XPO7: variants seen among roughly 807,000 people sequenced by gnomAD.
XPO7 encodes the protein exportin-7.
Under a neutral mutation model 144.3 loss-of-function variants are expected in XPO7, and 21 were observed. The observed-to-expected ratio is 0.15, with a 90% CI of 0.10 to 0.21. The LOEUF (loss-of-function observed/expected upper bound fraction) is 0.21, where lower values mean the gene tolerates loss of function less well. Ranked by LOEUF, XPO7 falls within the 10% of genes least tolerant of loss-of-function variation. The pLI is 1.00. For synonymous variants in XPO7, 580 were observed against 499.6 expected (o/e 1.16, Z -2.15); for missense variants, 808 against 1,325.8 (o/e 0.61, Z 6.06).
intron 2 of XPO7, 104 bp downstream of exon 2, chr8:21,967,107 T>C (rs1351872104): frequency 7.0e-6 from 10 of 1,430,004 alleles, no homozygotes; most frequent in Non-Finnish European, 9.3e-6. Context: ...CCCTGATTTT[T>C]CTAGGTGTCC....
At chr8:21,955,040 A>G (rs1323252051) in intron 1 of XPO7, among the ~76,000 whole-genome samples, 1 of 152,252 alleles carries the variant, frequency 6.6e-6, no homozygotes, top group Non-Finnish European at 1.5e-5. Context: ...ATGGTAATAT[A>G]GCAGGAAAGT....
intron 1 of XPO7, among the ~76,000 whole-genome samples, chr8:21,921,205 C>G (rs1056385654): frequency 1.3e-5 from 2 of 152,068 alleles, no homozygotes; most frequent in Non-Finnish European, 2.9e-5. Flanking sequence ...TTCTAAGAAG[C>G]ATGAAATATT....
chr8:21,935,435 TAGTG>T (rs1480327725), intron 1 of XPO7, among the ~76,000 whole-genome samples: 2 of 152,354 alleles, frequency 1.3e-5, no homozygotes, highest in African/African-American at 2.4e-5. Flanking sequence ...GTCCTACAAA[TAGTG>T]AGAGTCAGGA....
intron 1 of XPO7, among the ~76,000 whole-genome samples, chr8:21,926,327 CATG>C (rs1810457202): frequency 6.6e-6 from 1 of 151,936 alleles, no homozygotes; most frequent in Non-Finnish European, 1.5e-5. Context: ...TGGTACTTTG[CATG>C]ATAAGAAATT....
chr8:21,966,789 A>G (rs1486668787), intron 1 of XPO7, 68 bp from the exon 2 acceptor site: 2 of 1,527,378 alleles, frequency 1.3e-6, no homozygotes, highest in Non-Finnish European at 1.8e-6. Context: ...TTGTTTATTA[A>G]TTTTAAGCAC....
intron 1 of XPO7, among the ~76,000 whole-genome samples, chr8:21,941,354 G>T (rs1810987198): frequency 6.6e-6 from 1 of 151,970 alleles, no homozygotes; most frequent in Non-Finnish European, 1.5e-5. Context: ...GTCTGGCCCT[G>T]TTACCCAGGC....
At position 21,999,580 on chromosome 8, in the gene XPO7, C is replaced by A. The variant is rs368014718; in HGVS notation, c.2688C>A (p.Val896=). ...AGTCTTATTATTCACTACTGGAAGT[C>A]CTGACCCAGGACCATATGAACTTTA... ...LSQSYYSLLE[V]LTQDHMNFIA... The change falls in exon 24 of 28, where the codon GTC becomes GTA. Residue 896 remains valine, a synonymous_variant. Coordinates refer to ENST00000252512, the MANE Select transcript of XPO7 (RefSeq NM_015024.5). The A allele has an allele frequency of 1.2e-6, 2 of 1,613,902 alleles. No homozygotes were observed. The highest frequency in any genetic ancestry group is 8.5e-7 in the Non-Finnish European group (1 of 1,179,910).
At chr8:21,988,680 T>C (rs575546113) in intron 15 of XPO7, 13 of 304,438 alleles carry the variant, frequency 4.3e-5, no homozygotes, top group African/African-American at 2.0e-4. Context: ...TGCATACGTC[T>C]GCATGTTATC....
At chr8:21,964,997 A>G (rs1811837921) in intron 1 of XPO7, among the ~76,000 whole-genome samples, 1 of 152,222 alleles carries the variant, frequency 6.6e-6, no homozygotes. Flanking sequence ...TGGAAAGCTC[A>G]AAGTGTGTGA....
chr8:21,995,124 C>G (rs1390217518), intron 20 of XPO7, among the ~76,000 whole-genome samples: 5 of 151,972 alleles, frequency 3.3e-5, no homozygotes, highest in Non-Finnish European at 7.4e-5. Context: ...ACTTTACTGA[C>G]TTCATACCCT....
chr8:21,928,240 T>G (rs1272865373), intron 1 of XPO7, among the ~76,000 whole-genome samples: 1 of 152,258 alleles, frequency 6.6e-6, no homozygotes, highest in East Asian at 1.9e-4. Context: ...CTGAGATTGA[T>G]TCTCATTGTT....
At chr8:21,935,836 TTCTC>T (rs928115226) in intron 1 of XPO7, among the ~76,000 whole-genome samples, 3 of 151,640 alleles carry the variant, frequency 2.0e-5, no homozygotes, top group Non-Finnish European at 4.4e-5. Context: ...CAAGATATCT[TTCTC>T]TCTCTCTCAA....
Position 21,998,850 on chromosome 8 carries a change from G to C in XPO7, c.2428+13G>C, listed in dbSNP as rs1813040722. On this transcript the variant is annotated intron_variant, in intron 22 of 27. Coordinates refer to ENST00000252512, the MANE Select transcript of XPO7 (RefSeq NM_015024.5). The stretch of plus-strand genomic sequence containing the variant: ...ATAACAATGTATGGTAAGTGCTTCA[G>C]ATAATCATGCCTCTAGAAGTTAATT... 6.2e-6 allele frequency: 10 copies of C among 1,613,362 alleles called. No individual in the cohort carries two copies. The highest frequency in any genetic ancestry group is 8.5e-6 in the Non-Finnish European group (10 of 1,179,366).
chr8:21,959,262 A>T (rs1811641029), intron 1 of XPO7, among the ~76,000 whole-genome samples: 1 of 152,198 alleles, frequency 6.6e-6, no homozygotes, highest in Admixed American at 6.5e-5. Flanking sequence ...GTGTGCGCTC[A>T]TGCAAGCAAT....
chr8:21,933,105 T>G (rs930922983), intron 1 of XPO7, among the ~76,000 whole-genome samples: 4 of 148,800 alleles, frequency 2.7e-5, no homozygotes, highest in African/African-American at 9.9e-5. Context: ...GATTTTTTTT[T>G]TTTTTTTTTT....
intron 10 of XPO7, 94 bp from the exon 11 acceptor site, chr8:21,982,546 A>AG: frequency 7.0e-7 from 1 of 1,426,868 alleles, no homozygotes; most frequent in East Asian, 2.4e-5. Context: ...TTTTTTAAAA[A>AG]AAAGAAAAAA....
intron 1 of XPO7, among the ~76,000 whole-genome samples, chr8:21,940,822 A>G (rs959218461): frequency 1.3e-5 from 2 of 152,054 alleles, no homozygotes; most frequent in Admixed American, 6.6e-5. Context: ...CACTTCCTGT[A>G]TGTAATCTTG....
intron 1 of XPO7, among the ~76,000 whole-genome samples, chr8:21,945,006 C>T (rs1321284341): frequency 6.6e-6 from 1 of 152,236 alleles, no homozygotes; most frequent in African/African-American, 2.4e-5. Flanking sequence ...ATGTCTACTT[C>T]TTTCTACACA....
intron 1 of XPO7, among the ~76,000 whole-genome samples, chr8:21,935,886 A>C (rs1211342174): frequency 1.3e-5 from 2 of 151,532 alleles, no homozygotes; most frequent in Non-Finnish European, 2.9e-5. Flanking sequence ...AATCCCACAA[A>C]CTCAATCAGC....
Sources: allele counts gnomAD v4.1 joint callset (sites outside exome capture counted in the v4.1 genomes callset), GRCh38; gene constraint gnomAD v4.1.1; transcripts MANE v1.5; gene names NCBI Gene and HGNC (gene_info 2026-07-23, HGNC 2026-07-21).